RNF114: variants seen among roughly 807,000 people sequenced by gnomAD.
The protein encoded by RNF114 is ring finger protein 114.
Under a neutral mutation model 28.4 loss-of-function variants are expected in RNF114, and 6 were observed. That is an observed-to-expected ratio of 0.21 (90% CI 0.12 to 0.42). RNF114 has a LOEUF of 0.42. Among genes scored for constraint, RNF114 ranks in the 10% least tolerant of loss-of-function variants. The pLI is 1.00. For missense variants in RNF114, 249 were observed against 311.7 expected (o/e 0.80, Z 1.51); for synonymous variants, 115 against 116.7 (o/e 0.99, Z 0.09).
Position 49,942,022 on chromosome 20 carries a change from T to C in RNF114, c.291+311T>C, listed in dbSNP as rs536248938. On this transcript the variant is annotated intron_variant, in intron 2 of 5. Coordinates refer to ENST00000244061, the MANE Select transcript of RNF114 (RefSeq NM_018683.4). Reference sequence around the variant, plus strand: ...GCTCATTCCTGTAACCCCAGCTCTTTGGGAGTCCGAGGCAAGAGCTTGAGG... The same window carrying C: ...GCTCATTCCTGTAACCCCAGCTCTTCGGGAGTCCGAGGCAAGAGCTTGAGG... The C allele has an allele frequency of 5.7e-5, 16 of 280,124 alleles. No individual in the cohort carries two copies. In the South Asian group the frequency reaches 6.9e-4, roughly 12 times the overall value. 17.4% of individuals were successfully genotyped at this position (280,124 alleles called of 1,614,324 possible). A position where few individuals can be genotyped will look rare whatever the true frequency, so the allele number is the denominator to read the frequency against.
chr20:49,949,160 C>A, intron 4 of RNF114, 88 bp from the exon 5 acceptor site: 1 of 1,046,814 alleles, frequency 9.6e-7, no homozygotes, highest in Middle Eastern at 2.1e-4. Flanking sequence ...GAAAGCTGTC[C>A]TGGAAGAAAG....
At chr20:49,947,786 T>G (rs2090339326) in intron 4 of RNF114, among the ~76,000 whole-genome samples, 3 of 92,818 alleles carry the variant, frequency 3.2e-5, no homozygotes, top group East Asian at 3.4e-4. Flanking sequence ...TTTTTTTTTT[T>G]TTTTTTTTTT....
chr20:49,944,057 T>C (rs11698583), intron 2 of RNF114: 1 of 151,340 alleles, frequency 6.6e-6, no homozygotes, highest in Non-Finnish European at 1.5e-5. Context: ...ATGCATAATG[T>C]GGTTTTTGGT....
intron 2 of RNF114, chr20:49,941,941 G>T: frequency 2.1e-6 from 1 of 487,392 alleles, no homozygotes; most frequent in Non-Finnish European, 3.6e-6. Flanking sequence ...GAAAGCCATA[G>T]AAATCAGTTA....
intron 1 of RNF114, 33 bp from the exon 2 acceptor site, chr20:49,941,528 C>G: frequency 6.5e-7 from 1 of 1,541,154 alleles, no homozygotes; most frequent in Non-Finnish European, 8.8e-7. Context: ...CTCCATGATG[C>G]GTGACAGAGG....
At chr20:49,942,462 T>A (rs1282331396) in intron 2 of RNF114, among the ~76,000 whole-genome samples, 1 of 152,216 alleles carries the variant, frequency 6.6e-6, no homozygotes, top group Non-Finnish European at 1.5e-5. Flanking sequence ...ATTTTTAAAA[T>A]TGCAGACCAT....
intron 5 of RNF114, 52 bp from the exon 6 acceptor site, chr20:49,952,024 T>C: frequency 7.1e-7 from 1 of 1,401,754 alleles, no homozygotes; most frequent in Non-Finnish European, 1.0e-6. Context: ...TGAAAGCCAG[T>C]CTTTGCATCT....
Position 49,952,428 on chromosome 20 carries a change from G to A in RNF114, c.*287G>A, listed in dbSNP as rs1340826541. ...GGAGCTTCTGCCGCCTCCTGTGGAA[G>A]ATAATCTAGCTTCTCCACCTCTTGT... On this transcript the variant is annotated 3_prime_UTR_variant, in exon 6 of 6. Coordinates refer to ENST00000244061, the MANE Select transcript of RNF114 (RefSeq NM_018683.4). 2 of 524,914 alleles carry A rather than the reference G, an allele frequency of 3.8e-6. No individual in the cohort carries two copies. The highest frequency in any genetic ancestry group is 5.8e-5 in the East Asian group (2 of 34,560). 32.5% of individuals were successfully genotyped at this position (524,914 alleles called of 1,614,324 possible). A position where few individuals can be genotyped will look rare whatever the true frequency, so the allele number is the denominator to read the frequency against.
intron 5 of RNF114, among the ~76,000 whole-genome samples, chr20:49,951,657 A>G (rs999446907): frequency 1.3e-5 from 2 of 152,220 alleles, no homozygotes; most frequent in African/African-American, 4.8e-5. Context: ...AGGCGGGTGG[A>G]TCACGAGGTC....
In RNF114 at chr20:49,953,500, G is replaced by A. The variant is rs1600874329; in HGVS notation, c.*1359G>A. 2 of 152,164 alleles carry A rather than the reference G, an allele frequency of 1.3e-5. No individual in the cohort carries two copies. The highest frequency in any genetic ancestry group is 2.9e-5 in the Non-Finnish European group (2 of 68,048). The allele number at this position is 152,164 out of a possible 1,614,324, so 9.4% of individuals were successfully genotyped here. On this transcript the variant is annotated 3_prime_UTR_variant, in exon 6 of 6. Coordinates refer to ENST00000244061, the MANE Select transcript of RNF114 (RefSeq NM_018683.4). ...TCGCGCTTGTACACTGCTGCTGTGG[G>A]GCTCCGCGCCTGCCGGTGAAGAGCT...
At chr20:49,941,537 G>A in intron 1 of RNF114, 24 bp from the exon 2 acceptor site, 1 of 1,555,650 alleles carries the variant, frequency 6.4e-7, no homozygotes, top group Non-Finnish European at 8.7e-7. Context: ...GCGTGACAGA[G>A]GTTCTCTGTA....
chr20:49,952,011 T>A, intron 5 of RNF114, 65 bp from the exon 6 acceptor site: 2 of 1,286,046 alleles, frequency 1.6e-6, no homozygotes, highest in Non-Finnish European at 2.2e-6. Flanking sequence ...GTCCTGCTTC[T>A]ACTGAAAGCC....
intron 4 of RNF114, among the ~76,000 whole-genome samples, chr20:49,947,772 T>G (rs375088486): frequency 0.022 from 402 of 18,406 alleles, no homozygotes; most frequent in African/African-American, 0.098. Flanking sequence ...TCTGCAAGTT[T>G]TTTTTTTTTT....
In RNF114 at chr20:49,940,879, T is replaced by C. The variant is rs140787112; in HGVS notation, c.141-682T>C. ...GCCTCAGCCTCCCGAGTAGCTGGGA[T>C]TACAGGCATCTGCCACCATGCCTGG... On this transcript the variant is annotated intron_variant, in intron 1 of 5. Transcript: ENST00000244061. Among the ~76,000 whole-genome samples, 82 of 152,144 alleles carry C rather than the reference T, an allele frequency of 5.4e-4. 2 individuals are homozygous for C. In the East Asian group the frequency reaches 0.015, roughly 28 times the overall value.
In RNF114 at chr20:49,946,144, C is replaced by A; in HGVS notation, c.407C>A (p.Pro136Gln). 1 of 1,588,988 alleles carries A rather than the reference C, an allele frequency of 6.3e-7. No homozygotes were observed. The change falls in exon 4 of 6, where the codon CCA becomes CAA. Residue 136 changes from proline (P) to glutamine (Q), a missense_variant. Physicochemically the swap from Pro to Gln is moderately conservative, Grantham distance 76. Around this residue, in one of 2 missense-constraint regions of RNF114, gnomAD observed 126 missense variants for 205.3 expected, o/e 0.61. Transcript: ENST00000244061. ...TGTGTTTCACCTTCCAGGAATGTTCCAAACCGTTACACCTTTCCTTGTCCT... is the reference window on the plus strand; with the variant it reads ...TGTGTTTCACCTTCCAGGAATGTTCAAAACCGTTACACCTTTCCTTGTCCT... Reference protein sequence around the residue: ...KDASLQPRNVPNRYTFPCPYC... With the variant: ...KDASLQPRNVQNRYTFPCPYC...
intron 1 of RNF114, among the ~76,000 whole-genome samples, chr20:49,938,628 C>T (rs1481040184): frequency 6.6e-6 from 1 of 152,166 alleles, no homozygotes; most frequent in Non-Finnish European, 1.5e-5. Flanking sequence ...TTCTTCCTAG[C>T]ACTGTGACGG....
In RNF114 at chr20:49,945,177, T is replaced by G. The variant is rs2090324919; in HGVS notation, c.292-205T>G. ...TTTAGAGTGGAAGTGGATATCCTGATTTAGTCGAATAAAATAGCAGCCTTG... is the reference window on the plus strand; with the variant it reads ...TTTAGAGTGGAAGTGGATATCCTGAGTTAGTCGAATAAAATAGCAGCCTTG... On this transcript the variant is annotated intron_variant, in intron 2 of 5. Transcript: ENST00000244061. 6 of 496,908 alleles carry G rather than the reference T, an allele frequency of 1.2e-5. No individual in the cohort carries two copies. The South Asian group carries it at 1.4e-4, about 12-fold the overall frequency. The allele number at this position is 496,908 out of a possible 1,614,324, so 30.8% of individuals were successfully genotyped here.
chr20:49,939,884 G>A (rs1169255703), intron 1 of RNF114, among the ~76,000 whole-genome samples: 1 of 151,664 alleles, frequency 6.6e-6, no homozygotes, highest in Non-Finnish European at 1.5e-5. Context: ...GTGAAACCCC[G>A]TCTCTACTAA....
At position 49,953,842 on chromosome 20, in the gene RNF114, C is replaced by T. The variant is rs1280123122; in HGVS notation, c.*1701C>T. 1.3e-5 allele frequency: 2 copies of T among 152,048 alleles called. No homozygotes were observed. The highest frequency in any genetic ancestry group is 6.6e-5 in the Admixed American group (1 of 15,250). The allele number at this position is 152,048 out of a possible 1,614,324, so 9.4% of individuals were successfully genotyped here. ...GAAAGTGAGATTTGTTATGTTCTGG[C>T]TTTTAAAAGGTAAAATATAAATAAA... On this transcript the variant is annotated 3_prime_UTR_variant, in exon 6 of 6. Coordinates refer to ENST00000244061, the MANE Select transcript of RNF114 (RefSeq NM_018683.4).
Sources: gnomAD v4.1 joint callset for allele counts (sites outside exome capture counted in the v4.1 genomes callset) on GRCh38, gnomAD v4.1.1 for gene constraint, gnomAD v4.1.1 regional missense constraint, MANE v1.5 for transcripts, NCBI Gene and HGNC (gene_info 2026-07-23, HGNC 2026-07-21) for gene names.